Variants in ANO3 observed in about 807,000 individuals in gnomAD.
The protein encoded by ANO3 is anoctamin 3, also known as anoctamin-3.
In ANO3, 99 loss-of-function variants were observed where a neutral mutation model predicts 144.8. That is an observed-to-expected ratio of 0.68 (90% CI 0.58 to 0.81). ANO3 has a LOEUF of 0.81. Among genes scored for constraint, ANO3 ranks in the 30% least tolerant of loss-of-function variants. The probability of loss-of-function intolerance (pLI) is 0.00; values close to 1 mark genes in which losing one functional copy is unlikely to be tolerated. For missense variants in ANO3, 905 were observed against 1,202.2 expected (o/e 0.75, Z 3.66); for synonymous variants, 414 against 392.6 (o/e 1.05, Z -0.64).
intron 1 of ANO3, among the ~76,000 whole-genome samples, chr11:26,403,359 C>G (rs1438222570): frequency 6.6e-6 from 1 of 151,832 alleles, no homozygotes; most frequent in Non-Finnish European, 1.5e-5. Flanking sequence ...TAGGATAGGA[C>G]CTCTTAAGAT....
intron 14 of ANO3, among the ~76,000 whole-genome samples, chr11:26,598,102 C>T (rs1851690557): frequency 6.6e-6 from 1 of 152,226 alleles, no homozygotes; most frequent in East Asian, 1.9e-4. Context: ...ATATTGATTG[C>T]ATCATTTTGA....
At chr11:26,525,474 G>A (rs1207760458) in intron 6 of ANO3, among the ~76,000 whole-genome samples, 161 bp from the exon 7 acceptor site, 2 of 151,952 alleles carry the variant, frequency 1.3e-5, no homozygotes, top group African/African-American at 4.8e-5. Context: ...ATGTAAGGTT[G>A]ATATTCCTCA....
At position 26,537,625 on chromosome 11, in the gene ANO3, G is replaced by A. The variant is rs396863; in HGVS notation, c.1032+164G>A. Among the ~76,000 whole-genome samples the A allele has an allele frequency of 0.71, 108,063 of 151,978 alleles. 38,715 individuals carry two copies. The highest frequency in any genetic ancestry group is 0.84 in the East Asian group (4,321 of 5,138). On this transcript the variant is annotated intron_variant, in intron 10 of 26. Coordinates refer to ENST00000256737, the MANE Select transcript of ANO3 (RefSeq NM_031418.4). The stretch of plus-strand genomic sequence containing the variant: ...ATTGTAATTTTGTGGCTGTGCACTG[G>A]CTCCTCTGCCTCAAAGCCTGTCTTC...
chr11:26,426,544 T>A (rs1002654884), intron 1 of ANO3, among the ~76,000 whole-genome samples: 2 of 152,154 alleles, frequency 1.3e-5, no homozygotes, highest in Non-Finnish European at 2.9e-5. Context: ...TTAAAGGTAA[T>A]TCTTGAAAAA....
chr11:26,489,416 G>T (rs973371200), intron 4 of ANO3, among the ~76,000 whole-genome samples: 4 of 152,220 alleles, frequency 2.6e-5, no homozygotes, highest in Non-Finnish European at 5.9e-5. Context: ...GAGAACCTCT[G>T]CTAGGGCAGT....
intron 1 of ANO3, among the ~76,000 whole-genome samples, chr11:26,404,589 A>C (rs957032693): frequency 6.6e-6 from 1 of 151,856 alleles, no homozygotes; most frequent in African/African-American, 2.4e-5. Flanking sequence ...CAGTGCTAGT[A>C]GCAGTAATCA....
At chr11:26,220,941 C>T (rs1852130928) in intron 1 of ANO3, among the ~76,000 whole-genome samples, 2 of 152,166 alleles carry the variant, frequency 1.3e-5, no homozygotes, top group South Asian at 4.1e-4. Flanking sequence ...AGATGTGGCT[C>T]TTGGGTGCAT....
At chr11:26,508,082 A>T in intron 4 of ANO3, 22 bp from the exon 5 acceptor site, 1 of 1,569,050 alleles carries the variant, frequency 6.4e-7, no homozygotes, top group South Asian at 1.2e-5. Context: ...CACACCATTA[A>T]CAATCATTGC....
chr11:26,504,874 T>TGGTGGCGGGCGC (rs1861356328), intron 4 of ANO3, among the ~76,000 whole-genome samples: 1 of 151,480 alleles, frequency 6.6e-6, no homozygotes, highest in Non-Finnish European at 1.5e-5. Context: ...TAGCCGGGCG[T>TGGTGGCGGGCGC]GGTGGCGGGC....
chr11:26,376,055 T>C (rs1384358891), intron 1 of ANO3, among the ~76,000 whole-genome samples: 1 of 152,128 alleles, frequency 6.6e-6, no homozygotes, highest in Non-Finnish European at 1.5e-5. Flanking sequence ...TAACCTACAG[T>C]CTAGAAGAAA....
intron 3 of ANO3, among the ~76,000 whole-genome samples, chr11:26,448,350 A>C (rs1228158842): frequency 1.3e-5 from 2 of 152,020 alleles, no homozygotes; most frequent in Non-Finnish European, 2.9e-5. Flanking sequence ...AGACCAGCAT[A>C]ATTTGAGTCC....
At chr11:26,251,278 A>G (rs530355427) in intron 1 of ANO3, among the ~76,000 whole-genome samples, 6 of 152,330 alleles carry the variant, frequency 3.9e-5, no homozygotes, top group Non-Finnish European at 7.4e-5. Flanking sequence ...AAGGAGGCAC[A>G]GGAAGCAAAC....
intron 1 of ANO3, chr11:26,285,569 G>C (rs985411844): frequency 6.6e-6 from 1 of 152,140 alleles, no homozygotes; most frequent in South Asian, 2.1e-4. Context: ...TTAGGAGCAC[G>C]TGGAGTCTTA....
At chr11:26,294,849 GC>G (rs1329169050) in intron 1 of ANO3, among the ~76,000 whole-genome samples, 3 of 152,112 alleles carry the variant, frequency 2.0e-5, no homozygotes, top group Admixed American at 2.0e-4. Context: ...CAAGTGACAG[GC>G]TTTCAGCTGG....
At chr11:26,605,979 C>T (rs1851924907) in intron 17 of ANO3, among the ~76,000 whole-genome samples, 1 of 152,066 alleles carries the variant, frequency 6.6e-6, no homozygotes, top group Admixed American at 6.5e-5. Flanking sequence ...CTTCTGCTAG[C>T]TTTTGAATTT....
At chr11:26,312,035 T>C (rs1370251055) in intron 1 of ANO3, among the ~76,000 whole-genome samples, 1 of 152,126 alleles carries the variant, frequency 6.6e-6, no homozygotes, top group South Asian at 2.1e-4. Flanking sequence ...GTGTGTGATG[T>C]TCCCCACCCG....
chr11:26,381,775 A>C (rs1306629679), intron 1 of ANO3, among the ~76,000 whole-genome samples: 1 of 152,196 alleles, frequency 6.6e-6, no homozygotes, highest in Non-Finnish European at 1.5e-5. Flanking sequence ...TGACTTGTCC[A>C]GAGCTTTCCT....
At chr11:26,356,579 A>G (rs1244755339) in intron 1 of ANO3, among the ~76,000 whole-genome samples, 1 of 152,022 alleles carries the variant, frequency 6.6e-6, no homozygotes, top group Non-Finnish European at 1.5e-5. Flanking sequence ...ATTGCTCATT[A>G]TTTTTCATTG....
rs58664691 is a variant in ANO3 at position 26,482,426 on chromosome 11, ATGTGTGTGTGTGTG to A, written c.432+19312_432+19325del. On this transcript the variant is annotated intron_variant, in intron 4 of 26. Coordinates refer to ENST00000256737, the MANE Select transcript of ANO3 (RefSeq NM_031418.4). ...TTTGCAGTAATTTGAACACAGATAT[ATGTGTGTGTGTGTG>A]TGTGTGTGTGTGTGTGTGTGTGTGT... Among the ~76,000 whole-genome samples, 920 of 141,108 alleles carry A rather than the reference ATGTGTGTGTGTGTG, an allele frequency of 6.5e-3. 7 individuals carry two copies. Among genetic ancestry groups the A allele is most frequent in the African/African-American group, 0.019 (713 of 37,970 alleles). 92.6% of individuals were successfully genotyped at this position (141,108 alleles called of 152,430 possible). A position where few individuals can be genotyped will look rare whatever the true frequency, so the allele number is the denominator to read the frequency against.
Sources: gnomAD v4.1 joint callset for allele counts (sites outside exome capture counted in the v4.1 genomes callset) on GRCh38, gnomAD v4.1.1 for gene constraint, MANE v1.5 for transcripts, NCBI Gene and HGNC (gene_info 2026-07-23, HGNC 2026-07-21) for gene names.